Variants in ABCA4 observed in about 807,000 individuals in gnomAD.
The protein encoded by ABCA4 is ATP binding cassette subfamily A member 4.
In ABCA4, 196 loss-of-function variants were observed where a neutral mutation model predicts 263.7. That is an observed-to-expected ratio of 0.74 (90% CI 0.66 to 0.84). The LOEUF (loss-of-function observed/expected upper bound fraction) is 0.84, where lower values mean the gene tolerates loss of function less well. Ranked by LOEUF, ABCA4 falls within the 40% of genes least tolerant of loss-of-function variation. ABCA4 has a pLI of 0.00. For synonymous variants in ABCA4, 1,133 were observed against 1,094.2 expected, an observed-to-expected ratio of 1.04 and a Z score of -0.70; for missense variants, 2,792 against 2,855.1, an observed-to-expected ratio of 0.98 and a Z score of 0.50.
At chr1:94,097,683 G>A (rs1662158892) in intron 6 of ABCA4, among the ~76,000 whole-genome samples, 5 of 152,194 alleles carry the variant, frequency 3.3e-5, no homozygotes, top group Admixed American at 3.3e-4. Flanking sequence ...GAATCACAGT[G>A]ATTGGGGGTG....
In ABCA4 at chr1:94,060,634, T is replaced by A. The variant is rs1557786289; in HGVS notation, c.2063A>T (p.Asn688Ile). The A allele has an allele frequency of 8.7e-6, 14 of 1,614,144 alleles. No individual in the cohort carries two copies. Among genetic ancestry groups the A allele is most frequent in the Non-Finnish European group, 1.1e-5 (13 of 1,180,028 alleles). ...KELRLKETLK[N>I]QGVSNAVIWC... Reference sequence around the variant, plus strand: ...AATCACTGCATTGGAGACACCCTGATTTTTCAAGGTCTCCTTCAGTCGCAA... The same window carrying A: ...AATCACTGCATTGGAGACACCCTGAATTTTCAAGGTCTCCTTCAGTCGCAA... Residue 688 changes from asparagine (N) to isoleucine (I), a missense_variant, in exon 14 of 50, where the codon AAT becomes ATT. Asn to Ile is a moderately radical substitution (Grantham distance 149, BLOSUM62 -3). Transcript: ENST00000370225.
At chr1:94,039,129 G>C (rs575189227) in intron 24 of ABCA4, among the ~76,000 whole-genome samples, 1 of 152,254 alleles carries the variant, frequency 6.6e-6, no homozygotes, top group Admixed American at 6.5e-5. Flanking sequence ...AGCAAGGCAG[G>C]CTAGGAGAAA....
At position 94,078,638 on chromosome 1, in the gene ABCA4, G is replaced by T. The variant is rs1284535524; in HGVS notation, c.1308C>A (p.Pro436=). 3 of 1,607,454 alleles carry T rather than the reference G, an allele frequency of 1.9e-6. No homozygotes were observed. The highest frequency in any genetic ancestry group is 2.2e-5 in the East Asian group (1 of 44,584). The change falls in exon 10 of 50, where the codon CCC becomes CCA. Residue 436 remains proline (P), a synonymous_variant. Coordinates refer to ENST00000370225, the MANE Select transcript of ABCA4 (RefSeq NM_000350.3). ...TGTTGTCAAAGAAGTACCAGATCTG[G>T]GGCCCTACTTCTTCCCAGGCTTTGA... ...KLVKAWEEVG[P]QIWYFFDNST... is the part of the protein sequence containing the mutation.
intron 25 of ABCA4, among the ~76,000 whole-genome samples, 166 bp downstream of exon 25, chr1:94,036,979 A>G (rs111541692): frequency 5.3e-4 from 81 of 152,368 alleles, no homozygotes; most frequent in African/African-American, 1.8e-3. Context: ...TAAAATTTGT[A>G]TGCATGCAGA....
intron 30 of ABCA4, among the ~76,000 whole-genome samples, chr1:94,028,605 G>C (rs1248033278): frequency 6.6e-6 from 1 of 152,202 alleles, no homozygotes; most frequent in African/African-American, 2.4e-5. Flanking sequence ...TGGGAGATCA[G>C]TTAATTTAAA....
At chr1:94,117,041 TTC>T (rs1311249256) in intron 1 of ABCA4, among the ~76,000 whole-genome samples, 1 of 139,184 alleles carries the variant, frequency 7.2e-6, no homozygotes, top group African/African-American at 2.7e-5. Flanking sequence ...TCTTTCTTTC[TTC>T]TTCTTTCCTT....
intron 36 of ABCA4, among the ~76,000 whole-genome samples, chr1:94,017,683 C>T (rs949781059): frequency 3.3e-5 from 5 of 151,936 alleles, no homozygotes; most frequent in African/African-American, 9.7e-5. Flanking sequence ...TGGGGTGTAT[C>T]CTCGTTTGTA....
At position 94,056,622 on chromosome 1, in the gene ABCA4, G is replaced by C; in HGVS notation, c.2361C>G (p.Thr787=). The change falls in exon 15 of 50, where the codon ACC becomes ACG. Residue 787 remains threonine, a synonymous_variant. Transcript: ENST00000370225. ...ILCFAWQDRM[T]AELKKAVSLL... ...TCACCACAGCCTTCTTCAGCTCAGC[G>C]GTCATGCGGTCCTGCCAGGCGAAGC... is the stretch of plus-strand genomic sequence containing the variant. The C allele has an allele frequency of 6.2e-7, 1 of 1,613,286 alleles. No individual in the cohort carries two copies. Among genetic ancestry groups the C allele is most frequent in the Admixed American group, 1.7e-5 (1 of 60,018 alleles).
intron 13 of ABCA4, 110 bp from the exon 14 acceptor site, chr1:94,060,869 G>A: frequency 1.2e-6 from 1 of 864,752 alleles, no homozygotes; most frequent in Non-Finnish European, 1.9e-6. Context: ...TGGAGGGAAA[G>A]GAAAACAGGA....
intron 9 of ABCA4, among the ~76,000 whole-genome samples, chr1:94,078,933 T>C (rs948170359): frequency 1.3e-5 from 2 of 152,158 alleles, no homozygotes; most frequent in Non-Finnish European, 2.9e-5. Flanking sequence ...CCATGTAATA[T>C]TGATGATATT....
chr1:94,074,677 C>A (rs1661491213), intron 11 of ABCA4, among the ~76,000 whole-genome samples: 1 of 152,132 alleles, frequency 6.6e-6, no homozygotes, highest in African/African-American at 2.4e-5. Flanking sequence ...TGTCAAGAAA[C>A]AATAGATGCT....
At chr1:94,008,718 C>T (rs1659464317) in intron 41 of ABCA4, 33 bp downstream of exon 41, 4 of 1,613,722 alleles carry the variant, frequency 2.5e-6, no homozygotes, top group Non-Finnish European at 3.4e-6. Context: ...GTGGATCTAA[C>T]CAGCACCTCC....
At chr1:94,108,784 C>A (rs893674625) in intron 3 of ABCA4, 68 bp from the exon 4 acceptor site, 44 of 1,566,330 alleles carry the variant, frequency 2.8e-5, no homozygotes, top group Non-Finnish European at 3.8e-5. Context: ...ATATCTCATG[C>A]TATTTTTTTT....
At chr1:94,087,499 T>C (rs1192333103) in intron 6 of ABCA4, among the ~76,000 whole-genome samples, 2 of 152,186 alleles carry the variant, frequency 1.3e-5, no homozygotes, top group Admixed American at 6.5e-5. Context: ...TTTCTGGAAA[T>C]GGTCTTTTGA....
intron 35 of ABCA4, among the ~76,000 whole-genome samples, chr1:94,020,851 G>T (rs543753098): frequency 4.6e-5 from 7 of 152,350 alleles, no homozygotes; most frequent in Non-Finnish European, 1.0e-4. Context: ...TCCAAAGTAT[G>T]CTCTTCTGAG....
chr1:94,067,284 A>G (rs1661294434), intron 11 of ABCA4, among the ~76,000 whole-genome samples: 1 of 152,222 alleles, frequency 6.6e-6, no homozygotes, highest in South Asian at 2.1e-4. Flanking sequence ...TATCTGGCCC[A>G]TTCTCTTTGA....
intron 37 of ABCA4, among the ~76,000 whole-genome samples, chr1:94,015,262 G>A (rs1659696610): frequency 6.6e-6 from 1 of 152,184 alleles, no homozygotes. Flanking sequence ...GTTGCATGCT[G>A]GGCCCTGTAA....
At chr1:94,001,585 T>G in intron 45 of ABCA4, 1 of 619,970 alleles carries the variant, frequency 1.6e-6, no homozygotes, top group Non-Finnish European at 3.0e-6. Flanking sequence ...TGGGCTGAAC[T>G]TCCCGGCTGT....
Position 94,041,403 on chromosome 1 carries a change from C to T in ABCA4, c.3329-1G>A, listed in dbSNP as rs544428779. 8 of 1,613,556 alleles carry T rather than the reference C, an allele frequency of 5.0e-6. No homozygotes were observed. Among genetic ancestry groups the T allele is most frequent in the African/African-American group, 1.3e-5 (1 of 74,986 alleles). On this transcript the variant is annotated splice_acceptor_variant, in intron 22 of 49. Coordinates refer to ENST00000370225, the MANE Select transcript of ABCA4 (RefSeq NM_000350.3). LOFTEE classifies it high-confidence loss of function. ...TGAGTGGACATGATGATGGTTCTGC[C>T]TGCAAGGTAGGGGCCAGGGCAATCA...
Sources: gnomAD v4.1 joint callset for allele counts (sites outside exome capture counted in the v4.1 genomes callset) on GRCh38, gnomAD v4.1.1 for gene constraint, MANE v1.5 for transcripts, NCBI Gene and HGNC (gene_info 2026-07-23, HGNC 2026-07-21) for gene names.